The following FBXO42 variants were observed in gnomAD, a reference collection of about 807,000 sequenced individuals.
FBXO42 encodes F-box protein 42, also known as F-box only protein 42.
Under a neutral mutation model 71.7 loss-of-function variants are expected in FBXO42, and 12 were observed. The ratio of observed to expected loss-of-function variants is 0.17; its 90% CI spans 0.11 to 0.27. FBXO42 has a LOEUF of 0.27. FBXO42 is among the 10% of genes least tolerant of loss of function. FBXO42 has a pLI of 1.00. For missense variants in FBXO42, 707 were observed against 911.9 expected (o/e 0.78, Z 2.89); for synonymous variants, 325 against 327.5 (o/e 0.99, Z 0.08).
At chr1:16,290,683 A>G (rs1438435977) in intron 4 of FBXO42, among the ~76,000 whole-genome samples, 1 of 8,546 alleles carries the variant, frequency 1.2e-4, no homozygotes, top group African/African-American at 9.6e-4. Context: ...CAGAGTGACA[A>G]AAAAAAAAAA....
chr1:16,319,916 AAAAAAG>A (rs970130069), intron 1 of FBXO42, among the ~76,000 whole-genome samples: 21 of 151,730 alleles, frequency 1.4e-4, no homozygotes, highest in East Asian at 7.8e-4. Flanking sequence ...ATCTTAAAAA[AAAAAAG>A]AAAAAGAAAA....
intron 4 of FBXO42, among the ~76,000 whole-genome samples, chr1:16,289,337 G>C (rs76298927): frequency 1.1e-3 from 164 of 151,818 alleles, no homozygotes; most frequent in African/African-American, 3.7e-3. Flanking sequence ...CCAGGGGTTT[G>C]AGGCTATAGT....
At chr1:16,255,916 C>A in intron 5 of FBXO42, 95 bp from the exon 6 acceptor site, 1 of 812,406 alleles carries the variant, frequency 1.2e-6, no homozygotes, top group Non-Finnish European at 1.9e-6. Context: ...ATAATCCTAT[C>A]ACTTTCAGCA....
chr1:16,315,460 C>G (rs1357376320), intron 1 of FBXO42, 25 bp from the exon 2 acceptor site: 2 of 1,594,962 alleles, frequency 1.3e-6, no homozygotes, highest in African/African-American at 2.7e-5. Flanking sequence ...ACATAAATAT[C>G]AGTATTCCAC....
chr1:16,324,174 C>A (rs1364642269), intron 1 of FBXO42, among the ~76,000 whole-genome samples: 1 of 152,094 alleles, frequency 6.6e-6, no homozygotes, highest in Admixed American at 6.6e-5. Context: ...ATAAAAAATT[C>A]TACCTTACTC....
At chr1:16,305,968 T>A in intron 2 of FBXO42, 49 bp from the exon 3 acceptor site, 1 of 1,256,406 alleles carries the variant, frequency 8.0e-7, no homozygotes, top group Non-Finnish European at 1.2e-6. Flanking sequence ...AACTTATCCA[T>A]CAAATTATTA....
chr1:16,285,643 A>C (rs2082014197), intron 4 of FBXO42, among the ~76,000 whole-genome samples: 1 of 152,144 alleles, frequency 6.6e-6, no homozygotes, highest in Non-Finnish European at 1.5e-5. Context: ...AGCTTTCTTT[A>C]CTAAATTTAA....
At position 16,270,354 on chromosome 1, in the gene FBXO42, C is replaced by T. The variant is rs112295753; in HGVS notation, c.503-13595G>A. 5.2e-3 allele frequency among the ~76,000 whole-genome samples: 786 copies of T among 152,290 alleles called. 9 individuals are homozygous for T. Among genetic ancestry groups the T allele is most frequent in the African/African-American group, 0.018 (749 of 41,566 alleles). On this transcript the variant is annotated intron_variant, in intron 4 of 9. Coordinates refer to ENST00000375592, the MANE Select transcript of FBXO42 (RefSeq NM_018994.3). ...AAACCATGGCAAGCCCCATCACTTC[C>T]AGTGTCTCTGCTAGATGGAGTTAGG... is the stretch of plus-strand genomic sequence containing the variant.
intron 2 of FBXO42, among the ~76,000 whole-genome samples, chr1:16,307,319 C>T (rs984533947): frequency 6.6e-6 from 1 of 152,068 alleles, no homozygotes; most frequent in Admixed American, 6.6e-5. Context: ...GGCAACATAG[C>T]AAGACCCCAT....
chr1:16,348,906 T>C (rs1192974831), intron 1 of FBXO42, among the ~76,000 whole-genome samples: 3 of 152,212 alleles, frequency 2.0e-5, no homozygotes, highest in Admixed American at 6.6e-5. Flanking sequence ...ACAGTGCCTC[T>C]TGTACTAGTT....
chr1:16,318,537 A>G (rs2082389499), intron 1 of FBXO42, among the ~76,000 whole-genome samples: 1 of 152,120 alleles, frequency 6.6e-6, no homozygotes, highest in African/African-American at 2.4e-5. Flanking sequence ...AATTTTCTAC[A>G]AAGAAAGCAT....
At chr1:16,335,302 G>A (rs924220433) in intron 1 of FBXO42, among the ~76,000 whole-genome samples, 6 of 152,076 alleles carry the variant, frequency 3.9e-5, no homozygotes, top group African/African-American at 1.4e-4. Context: ...ATCAAGACCA[G>A]CTAATTTTTT....
At position 16,252,909 on chromosome 1, in the gene FBXO42, T is replaced by TC. The variant is rs2081606616; in HGVS notation, c.921+186dup. On this transcript the variant is annotated intron_variant, in intron 8 of 9. Coordinates refer to ENST00000375592, the MANE Select transcript of FBXO42 (RefSeq NM_018994.3). This position sits in a 1 kb window ranked among gnomAD's most constrained non-coding sequence, Gnocchi z 4.4. The stretch of plus-strand genomic sequence containing the variant: ...AGACAAATATCTATGATTAAAAGGA[T>TC]CCCCCCACAACCCTAAAAAAAAGCA... 6.7e-6 allele frequency among the ~76,000 whole-genome samples: 1 copy of TC among 150,016 alleles called. No homozygotes were observed. The highest frequency in any genetic ancestry group is 1.5e-5 in the Non-Finnish European group (1 of 67,498).
chr1:16,314,123 T>C (rs951784793), intron 2 of FBXO42, among the ~76,000 whole-genome samples: 7 of 152,090 alleles, frequency 4.6e-5, no homozygotes, highest in Non-Finnish European at 8.8e-5. Context: ...GGCTTATTTT[T>C]GTATTTTTAG....
intron 1 of FBXO42, among the ~76,000 whole-genome samples, chr1:16,342,876 G>A (rs138126165): frequency 1.3e-5 from 2 of 152,132 alleles, no homozygotes; most frequent in East Asian, 3.9e-4. Flanking sequence ...GTTCCTGGGA[G>A]AGTAGGTTGT....
intron 4 of FBXO42, among the ~76,000 whole-genome samples, chr1:16,262,176 A>G (rs2081722046): frequency 6.6e-6 from 1 of 152,126 alleles, no homozygotes; most frequent in South Asian, 2.1e-4. Flanking sequence ...TATTTCATAT[A>G]TATGTGTGTG....
At chr1:16,296,136 C>G (rs1052998853) in intron 3 of FBXO42, among the ~76,000 whole-genome samples, 1 of 152,208 alleles carries the variant, frequency 6.6e-6, no homozygotes. Context: ...CCCTTGCGGT[C>G]TCTATCCTTT....
At chr1:16,260,792 T>C (rs2081703265) in intron 4 of FBXO42, among the ~76,000 whole-genome samples, 1 of 152,158 alleles carries the variant, frequency 6.6e-6, no homozygotes, top group African/African-American at 2.4e-5. Context: ...TCTGACCTCC[T>C]GGGTGCAAGG....
intron 4 of FBXO42, among the ~76,000 whole-genome samples, chr1:16,276,582 C>T (rs909967827): frequency 6.6e-6 from 1 of 152,108 alleles, no homozygotes; most frequent in Non-Finnish European, 1.5e-5. Flanking sequence ...TAGTATCTTG[C>T]GTTCCTCTCC....
Sources: gnomAD v4.1 joint callset for allele counts (sites outside exome capture counted in the v4.1 genomes callset) on GRCh38, gnomAD v4.1.1 for gene constraint, Gnocchi (gnomAD v3.1) non-coding constraint, MANE v1.5 for transcripts, NCBI Gene and HGNC (gene_info 2026-07-23, HGNC 2026-07-21) for gene names.